The following FRAS1 variants were observed in gnomAD, a reference collection of about 807,000 sequenced individuals.
The protein encoded by FRAS1 is extracellular matrix organizing protein FRAS1.
A neutral mutation model predicts 435.2 loss-of-function variants in FRAS1; 290 were observed. The observed-to-expected ratio is 0.67, with a 90% CI of 0.61 to 0.73. The LOEUF (loss-of-function observed/expected upper bound fraction) is 0.73. FRAS1 is among the 30% of genes least tolerant of loss of function. The pLI is 0.00. For synonymous variants in FRAS1, 1,800 were observed against 1,851.0 expected (o/e 0.97, Z 0.71); for missense variants, 4,860 against 5,001.5 (o/e 0.97, Z 0.85).
At chr4:78,135,610 A>T (rs1719886744) in intron 2 of FRAS1, among the ~76,000 whole-genome samples, 1 of 152,192 alleles carries the variant, frequency 6.6e-6, no homozygotes, top group Non-Finnish European at 1.5e-5. Context: ...ATGTGCAATA[A>T]TTTCATCATG....
At chr4:78,459,354 G>A (rs1404381067) in intron 47 of FRAS1, among the ~76,000 whole-genome samples, 2 of 152,212 alleles carry the variant, frequency 1.3e-5, no homozygotes, top group Non-Finnish European at 2.9e-5. Flanking sequence ...ACAGACATGT[G>A]CACATGTGTT....
chr4:78,155,237 T>C (rs1001627627), intron 2 of FRAS1, among the ~76,000 whole-genome samples: 1 of 152,198 alleles, frequency 6.6e-6, no homozygotes, highest in African/African-American at 2.4e-5. Context: ...AGATGATATG[T>C]TATTGGTTAA....
At chr4:78,340,317 A>G (rs559139541) in intron 20 of FRAS1, among the ~76,000 whole-genome samples, 1 of 152,350 alleles carries the variant, frequency 6.6e-6, no homozygotes, top group African/African-American at 2.4e-5. Flanking sequence ...TGGTGCTTAG[A>G]AATCATTTAT....
At chr4:78,144,829 T>C (rs1164929645) in intron 2 of FRAS1, among the ~76,000 whole-genome samples, 3 of 152,214 alleles carry the variant, frequency 2.0e-5, no homozygotes, top group African/African-American at 7.2e-5. Context: ...TTTTGTTGTA[T>C]GCATGTTCCT....
rs576936190 is a variant in FRAS1, at chr4:78,491,666, G to A, written c.8958+2586G>A. Among the ~76,000 whole-genome samples, 22 of 152,192 alleles carry A rather than the reference G, an allele frequency of 1.4e-4. No individual in the cohort carries two copies. The South Asian group carries it at 4.6e-3, about 32-fold the overall frequency. ...TGGAACATATCTCAAAATAACAAGA[G>A]CTATTTATGACAAACCCACAGCCAA... On this transcript the variant is annotated intron_variant, in intron 59 of 73. Coordinates refer to ENST00000512123, the MANE Select transcript of FRAS1 (RefSeq NM_025074.7).
intron 69 of FRAS1, among the ~76,000 whole-genome samples, chr4:78,523,081 G>A (rs1721436946): frequency 6.6e-6 from 1 of 151,982 alleles, no homozygotes; most frequent in Admixed American, 6.6e-5. Flanking sequence ...AAGAGATCCT[G>A]ACTCTTAAAA....
Position 78,364,011 on chromosome 4 carries a change from C to A in FRAS1, c.2679C>A (p.Thr893=). ...VLSHTGTCST[T]CFPGHYLDDN... ...CCCACACTGGCACCTGCAGCACCAC[C>A]TGCTTCCCTGGGCACTATCTTGATG... Residue 893 remains threonine, a synonymous_variant, in exon 22 of 74, where the codon ACC becomes ACA. Coordinates refer to ENST00000512123, the MANE Select transcript of FRAS1 (RefSeq NM_025074.7). The A allele has an allele frequency of 1.2e-6, 2 of 1,605,012 alleles. No individual in the cohort carries two copies. Among genetic ancestry groups the A allele is most frequent in the East Asian group, 2.2e-5 (1 of 44,606 alleles).
At chr4:78,472,098 A>T in intron 51 of FRAS1, 82 bp from the exon 52 acceptor site, 1 of 1,381,642 alleles carries the variant, frequency 7.2e-7, no homozygotes, top group Non-Finnish European at 1.0e-6. Flanking sequence ...TCATTGTTGA[A>T]CTGAATTAAA....
At position 78,139,804 on chromosome 4, in the gene FRAS1, C is replaced by T. The variant is rs184699242; in HGVS notation, c.108+73788C>T. On this transcript the variant is annotated intron_variant, in intron 2 of 73. Coordinates refer to ENST00000512123, the MANE Select transcript of FRAS1 (RefSeq NM_025074.7). ...AATAGTGCATCAATTCTCCTGCCTC[C>T]GTTTAGCTTACCTGGTTGTCAGAAG... 1.8e-3 allele frequency among the ~76,000 whole-genome samples: 276 copies of T among 152,262 alleles called. 1 individual carries two copies. Among genetic ancestry groups the T allele is most frequent in the African/African-American group, 6.3e-3 (262 of 41,566 alleles).
intron 61 of FRAS1, among the ~76,000 whole-genome samples, chr4:78,506,316 G>A (rs1303222630): frequency 6.6e-6 from 1 of 152,248 alleles, no homozygotes; most frequent in African/African-American, 2.4e-5. Context: ...GTCTGCAGAA[G>A]TTTCTGCTGG....
intron 29 of FRAS1, among the ~76,000 whole-genome samples, chr4:78,397,160 AC>A (rs1436888815): frequency 6.6e-6 from 1 of 152,080 alleles, no homozygotes; most frequent in African/African-American, 2.4e-5. Flanking sequence ...AAAAGTGGTT[AC>A]CTACTCCAGC....
chr4:78,262,338 C>A (rs1726151457), intron 6 of FRAS1, among the ~76,000 whole-genome samples: 1 of 152,174 alleles, frequency 6.6e-6, no homozygotes, highest in Non-Finnish European at 1.5e-5. Context: ...TGTTTGACAT[C>A]ATGGGCTCTG....
Position 78,529,024 on chromosome 4 carries a change from G to C in FRAS1, c.10925+2367G>C, listed in dbSNP as rs114988731. 8.4e-3 allele frequency among the ~76,000 whole-genome samples: 1,282 copies of C among 152,232 alleles called. 15 individuals are homozygous for C. The highest frequency in any genetic ancestry group is 0.029 in the African/African-American group (1,220 of 41,520). ...TGAGGTGGTAGAGAGCGAGGTGCTG[G>C]AAATGAGATTTTTGGTGATGGTGCA... On this transcript the variant is annotated intron_variant, in intron 70 of 73. Coordinates refer to ENST00000512123, the MANE Select transcript of FRAS1 (RefSeq NM_025074.7).
intron 47 of FRAS1, among the ~76,000 whole-genome samples, chr4:78,453,350 A>G (rs2109836996): frequency 6.6e-6 from 1 of 152,310 alleles, no homozygotes. Context: ...GAATAGTAAG[A>G]TGAGAATAAT....
intron 56 of FRAS1, 45 bp from the exon 57 acceptor site, chr4:78,481,759 C>G: frequency 6.2e-7 from 1 of 1,606,474 alleles, no homozygotes; most frequent in East Asian, 2.2e-5. Context: ...CGCTGATTTT[C>G]TGGCTCAAAG....
chr4:78,473,637 C>T, intron 53 of FRAS1, 40 bp downstream of exon 53: 1 of 1,507,752 alleles, frequency 6.6e-7, no homozygotes, highest in Non-Finnish European at 9.0e-7. Context: ...AGAAATCAAT[C>T]AGGCAAGCAG....
At chr4:78,465,721 A>G (rs1469430469) in intron 49 of FRAS1, among the ~76,000 whole-genome samples, 3 of 151,810 alleles carry the variant, frequency 2.0e-5, no homozygotes, top group Non-Finnish European at 4.4e-5. Context: ...AGGCCTTGGC[A>G]TTTTGTTTTA....
intron 2 of FRAS1, among the ~76,000 whole-genome samples, chr4:78,120,095 T>C (rs530256941): frequency 5.3e-5 from 8 of 152,346 alleles, no homozygotes; most frequent in African/African-American, 1.9e-4. Flanking sequence ...GTTTATCATA[T>C]TGTTCTGAAA....
rs778166827 is a variant in FRAS1, at chr4:78,379,735, A to T, written c.3302A>T (p.His1101Leu). ...TTCATATGTTTTTCAGGCAAAATACACACCCCTAGTCTTCATGTGAATGGT... is the reference window on the plus strand; with the variant it reads ...TTCATATGTTTTTCAGGCAAAATACTCACCCCTAGTCTTCATGTGAATGGT... ...TSNETCSGKI[H>L]TPSLHVNGSL... The change falls in exon 27 of 74, where the codon CAC becomes CTC. Residue 1101 changes from histidine (H) to leucine (L), a missense_variant. His to Leu is a moderately conservative substitution (Grantham distance 99, BLOSUM62 -3). Transcript: ENST00000512123. 93 of 1,607,130 alleles carry T rather than the reference A, an allele frequency of 5.8e-5. No homozygotes were observed. The highest frequency in any genetic ancestry group is 7.0e-5 in the Non-Finnish European group (83 of 1,178,180).
Sources: allele counts gnomAD v4.1 joint callset (sites outside exome capture counted in the v4.1 genomes callset), GRCh38; gene constraint gnomAD v4.1.1; transcripts MANE v1.5; gene names NCBI Gene and HGNC (gene_info 2026-07-23, HGNC 2026-07-21).